The following DEAF1 variants were observed in gnomAD, a reference collection of about 807,000 sequenced individuals.
DEAF1 encodes the protein DEAF1 transcription factor, also known as deformed epidermal autoregulatory factor 1 homolog.
In DEAF1, 53 loss-of-function variants were observed where a neutral mutation model predicts 58.9. The observed-to-expected ratio is 0.90, with a 90% CI of 0.72 to 1.13. DEAF1 has a LOEUF of 1.13. DEAF1 is among the 50% of genes most tolerant of loss of function. DEAF1 has a pLI of 0.00. For missense variants in DEAF1, 685 were observed against 791.4 expected, an observed-to-expected ratio of 0.87 and a Z score of 1.61; for synonymous variants, 385 against 340.4, an observed-to-expected ratio of 1.13 and a Z score of -1.44.
chr11:665,531 T>C (rs1370028867), intron 10 of DEAF1, among the ~76,000 whole-genome samples: 1 of 152,238 alleles, frequency 6.6e-6, no homozygotes, highest in Non-Finnish European at 1.5e-5. Flanking sequence ...TTTCTAACGT[T>C]TTAAAAGGCT....
chr11:678,608 T>G, intron 9 of DEAF1, 86 bp downstream of exon 9: 1 of 1,597,824 alleles, frequency 6.3e-7, no homozygotes, highest in East Asian at 2.2e-5. Flanking sequence ...CAAACCAAAA[T>G]GAATCCCATT....
upstream of DEAF1, chr11:695,814 G>T: frequency 8.1e-7 from 1 of 1,232,538 alleles, no homozygotes; most frequent in Non-Finnish European, 1.0e-6. Flanking sequence ...GGACCGGCGG[G>T]CGGGGCGGGT....
intron 6 of DEAF1, among the ~76,000 whole-genome samples, chr11:682,572 C>T (rs1860421082): frequency 1.3e-5 from 2 of 152,170 alleles, no homozygotes; most frequent in South Asian, 4.1e-4. Flanking sequence ...GCCTCTCTCT[C>T]TTTTGGGCTG....
chr11:699,813 G>A, upstream of DEAF1: 1 of 283,784 alleles, frequency 3.5e-6, no homozygotes, highest in Non-Finnish European at 6.6e-6. Flanking sequence ...GGGGCCAAAG[G>A]CAGGGTGACA....
chr11:654,172 T>C (rs1858935577), intron 10 of DEAF1, 121 bp from the exon 11 acceptor site: 3 of 722,368 alleles, frequency 4.2e-6, no homozygotes, highest in East Asian at 2.8e-5. Context: ...CCCCTTTTTT[T>C]TTTTTTTTTT....
At chr11:694,735 C>A (rs1861029819) in intron 1 of DEAF1, 24 bp downstream of exon 1, 8 of 1,290,882 alleles carry the variant, frequency 6.2e-6, no homozygotes, top group Non-Finnish European at 6.8e-6. Flanking sequence ...CCGGACGAGG[C>A]GAGAGGCCGG....
chr11:692,505 T>C (rs1003660556), intron 1 of DEAF1, among the ~76,000 whole-genome samples: 2 of 152,148 alleles, frequency 1.3e-5, no homozygotes, highest in African/African-American at 2.4e-5. Flanking sequence ...AAGATACTGG[T>C]TGAATGAGTC....
At chr11:653,535 G>A (rs1034854887) in intron 11 of DEAF1, among the ~76,000 whole-genome samples, 12 of 138,610 alleles carry the variant, frequency 8.7e-5, no homozygotes, top group African/African-American at 1.7e-4. Flanking sequence ...CAATAATAGA[G>A]GAACTGTGGA....
At position 688,406 on chromosome 11, in the gene DEAF1, G is replaced by A; in HGVS notation, c.442C>T (p.Leu148=). The A allele has an allele frequency of 6.2e-7, 1 of 1,613,978 alleles. No homozygotes were observed. Among genetic ancestry groups the A allele is most frequent in the Non-Finnish European group, 8.5e-7 (1 of 1,180,044 alleles). The stretch of plus-strand genomic sequence containing the variant: ...CTCCCATCTGTGTGGACGACAATCA[G>A]TGTCGCTTTTTCGGTGTTCAGGCTG... ...GDSLNTEKAT[L]IVVHTDGSIV... Residue 148 remains leucine, a synonymous_variant, in exon 3 of 12, where the codon CTG becomes TTG. Transcript: ENST00000382409. This position sits in a 1 kb window ranked among gnomAD's most constrained non-coding sequence, Gnocchi z 4.3.
At chr11:703,726 A>G (rs1861603975) in intron 1 of DEAF1, 1 of 1,232,426 alleles carries the variant, frequency 8.1e-7, no homozygotes, top group Non-Finnish European at 1.0e-6. Flanking sequence ...CTGGGTTCCT[A>G]AAGCAATAAA....
rs199746332 is a variant in DEAF1 at position 679,782 on chromosome 11, C to T, written c.1032G>A (p.Ser344=). Residue 344 remains serine (S), a synonymous_variant, in exon 8 of 12, where the codon TCG becomes TCA. Coordinates refer to ENST00000382409, the MANE Select transcript of DEAF1 (RefSeq NM_021008.4). ...TVTPSGQITT[S]GALTFDRAST... The stretch of plus-strand genomic sequence containing the variant: ...ACGCTCGGTCAAAGGTCAGTGCCCC[C>T]GAGGTCGTGATCTGTCCCGAGGGGG... 1.0e-4 allele frequency: 168 copies of T among 1,613,870 alleles called. No homozygotes were observed. Among genetic ancestry groups the T allele is most frequent in the Middle Eastern group, 1.6e-4 (1 of 6,062 alleles).
chr11:654,037 G>A lies in DEAF1; in HGVS notation c.1518C>T (p.Asn506=), dbSNP rs765778708. The change falls in exon 11 of 12, where the codon AAC becomes AAT. Residue 506 remains asparagine (N), a synonymous_variant. Transcript: ENST00000382409. ...DAERKEQSCV[N]CGREAMSECT... Reference sequence around the variant, plus strand: ...ACTCGCTCATAGCCTCCCGGCCGCAGTTAACGCAGGACTGCTGCAAGAAGG... The same window carrying A: ...ACTCGCTCATAGCCTCCCGGCCGCAATTAACGCAGGACTGCTGCAAGAAGG... 57 of 1,613,510 alleles carry A rather than the reference G, an allele frequency of 3.5e-5. 1 individual carries two copies. In the East Asian group the frequency reaches 6.0e-4, roughly 17 times the overall value.
chr11:694,109 CA>C (rs1349758925), intron 1 of DEAF1, among the ~76,000 whole-genome samples: 1 of 152,142 alleles, frequency 6.6e-6, no homozygotes, highest in African/African-American at 2.4e-5. Flanking sequence ...GGTGCCCACC[CA>C]CCCCAGGGCT....
At position 687,906 on chromosome 11, in the gene DEAF1, C is replaced by G; in HGVS notation, c.664+5G>C. Reference sequence around the variant, plus strand: ...AACTTTGGAGTCTGAAGTGGCAGTCCTCACCTGAGCCGAGCCTGTTCTTGT... The same window carrying G: ...AACTTTGGAGTCTGAAGTGGCAGTCGTCACCTGAGCCGAGCCTGTTCTTGT... On this transcript the variant is annotated splice_donor_5th_base_variant and intron_variant, in intron 4 of 11. Transcript: ENST00000382409. 1 of 1,614,074 alleles carries G rather than the reference C, an allele frequency of 6.2e-7. No homozygotes were observed. The highest frequency in any genetic ancestry group is 8.5e-7 in the Non-Finnish European group (1 of 1,180,026).
At chr11:700,009 C>T (rs944339360), upstream of DEAF1, 12 of 668,778 alleles carry the variant, frequency 1.8e-5, no homozygotes, top group Admixed American at 2.6e-5. Flanking sequence ...AGGCAGTGAG[C>T]CATTGCCAAG....
At chr11:674,174 A>C in intron 10 of DEAF1, 1 of 333,930 alleles carries the variant, frequency 3.0e-6, no homozygotes, top group Non-Finnish European at 5.9e-6. Flanking sequence ...ATACTCAGAG[A>C]CTCAATAGAT....
upstream of DEAF1, chr11:700,110 G>A (rs761979580): frequency 1.3e-6 from 2 of 1,594,542 alleles, no homozygotes; most frequent in East Asian, 2.2e-5. Context: ...TCCCAAGCCT[G>A]TTGAGCTTGA....
In DEAF1 at chr11:654,164, CCT is replaced by C. The variant is rs1491242660; in HGVS notation, c.1504-115_1504-114del. The C allele has an allele frequency of 7.3e-3, 3,809 of 521,118 alleles. 23 individuals carry two copies. The highest frequency in any genetic ancestry group is 0.045 in the African/African-American group (779 of 17,348). The allele number at this position is 521,118 out of a possible 1,614,324, so 32.3% of individuals were successfully genotyped here. A position where few individuals can be genotyped will look rare whatever the true frequency, so the allele number is the denominator to read the frequency against. ...GCCCCAAGTTCCCCCCATTGGACCC[CCT>C]TTTTTTTTTTTTTTTTTTTTGAGAT... On this transcript the variant is annotated intron_variant, in intron 10 of 11. Coordinates refer to ENST00000382409, the MANE Select transcript of DEAF1 (RefSeq NM_021008.4).
upstream of DEAF1, among the ~76,000 whole-genome samples, chr11:696,854 C>T (rs113741963): frequency 0.057 from 8,698 of 151,770 alleles, 385 homozygotes; most frequent in East Asian, 0.16. Context: ...CCAAAGCGGG[C>T]GGATCACCTG....
Sources: allele counts gnomAD v4.1 joint callset (sites outside exome capture counted in the v4.1 genomes callset), GRCh38; gene constraint gnomAD v4.1.1; non-coding constraint Gnocchi (gnomAD v3.1); transcripts MANE v1.5; gene names NCBI Gene and HGNC (gene_info 2026-07-23, HGNC 2026-07-21).